Variants in MTMR7 observed in about 807,000 individuals in gnomAD.
The protein encoded by MTMR7 is myotubularin related protein 7, also known as phosphatidylinositol-3-phosphate phosphatase MTMR7.
MTMR7 carries 76 observed loss-of-function variants against 81.2 expected under a neutral mutation model. That is an observed-to-expected ratio of 0.94 (90% CI 0.78 to 1.13). The LOEUF is 1.13. Among genes scored for constraint, MTMR7 ranks in the 50% most tolerant of loss-of-function variants. The pLI is 0.00. For synonymous variants in MTMR7, 372 were observed against 289.8 expected (o/e 1.28, Z -2.88); for missense variants, 1,044 against 820.0 (o/e 1.27, Z -3.34).
intron 4 of MTMR7, among the ~76,000 whole-genome samples, chr8:17,359,050 T>C (rs913860816): frequency 1.3e-5 from 2 of 151,978 alleles, no homozygotes; most frequent in Non-Finnish European, 2.9e-5. Context: ...CACACCTCCA[T>C]GTCCAGCTAA....
At chr8:17,404,072 C>T (rs997206208) in intron 1 of MTMR7, among the ~76,000 whole-genome samples, 2 of 151,684 alleles carry the variant, frequency 1.3e-5, no homozygotes, top group African/African-American at 4.8e-5. Context: ...GTGAGGAGAC[C>T]CACGAAAGAA....
intron 3 of MTMR7, among the ~76,000 whole-genome samples, chr8:17,365,659 C>A (rs1472178277): frequency 6.6e-6 from 1 of 152,174 alleles, no homozygotes; most frequent in Non-Finnish European, 1.5e-5. Context: ...AGCAAATACT[C>A]AAAATGCCTT....
At chr8:17,348,884 C>G in intron 5 of MTMR7, 69 bp downstream of exon 5, 3 of 1,583,062 alleles carry the variant, frequency 1.9e-6, no homozygotes, top group Admixed American at 1.7e-5. Flanking sequence ...CAGAAGGCAG[C>G]TAGAAAATGC....
At chr8:17,406,954 G>A (rs1821602452) in intron 1 of MTMR7, among the ~76,000 whole-genome samples, 2 of 152,062 alleles carry the variant, frequency 1.3e-5, no homozygotes, top group Admixed American at 6.6e-5. Flanking sequence ...CCTTGGGTGG[G>A]GTGAGGGAGA....
At chr8:17,311,214 T>C (rs1467125144) in intron 9 of MTMR7, among the ~76,000 whole-genome samples, 1 of 152,192 alleles carries the variant, frequency 6.6e-6, no homozygotes, top group Admixed American at 6.5e-5. Context: ...TATGAGCAAA[T>C]GATATATAAA....
chr8:17,329,847 C>G (rs1818904292), intron 7 of MTMR7, among the ~76,000 whole-genome samples: 1 of 152,156 alleles, frequency 6.6e-6, no homozygotes, highest in African/African-American at 2.4e-5. Context: ...TCACTGTGAC[C>G]TGAGACAATG....
At chr8:17,376,125 C>G (rs565591472) in intron 1 of MTMR7, among the ~76,000 whole-genome samples, 1 of 152,330 alleles carries the variant, frequency 6.6e-6, no homozygotes, top group East Asian at 1.9e-4. Flanking sequence ...TACCCTCTGT[C>G]TCTATAGATT....
intron 1 of MTMR7, among the ~76,000 whole-genome samples, chr8:17,384,728 C>A (rs1268601805): frequency 1.3e-5 from 2 of 152,158 alleles, no homozygotes; most frequent in Non-Finnish European, 2.9e-5. Context: ...CATAAAGTTA[C>A]TGAAACAAAA....
Position 17,371,154 on chromosome 8 carries a change from C to T in MTMR7, c.193G>A (p.Ala65Thr), listed in dbSNP as rs371304992. ...ISTIEKQATTATGCPLLIRCK... is the reference protein window; with the variant it reads ...ISTIEKQATTTTGCPLLIRCK... Reference sequence around the variant, plus strand: ...CGAATCAGCAGAGGGCATCCGGTAGCGGTTGTTGCCTGTTTCTCAATGGTG... The same window carrying T: ...CGAATCAGCAGAGGGCATCCGGTAGTGGTTGTTGCCTGTTTCTCAATGGTG... Residue 65 changes from alanine to threonine, a missense_variant, in exon 3 of 14, where the codon GCT (alanine) becomes ACT (threonine). Coordinates refer to ENST00000180173, the MANE Select transcript of MTMR7 (RefSeq NM_004686.5). 11 of 1,614,002 alleles carry T rather than the reference C, an allele frequency of 6.8e-6. No individual in the cohort carries two copies. The highest frequency in any genetic ancestry group is 1.3e-5 in the African/African-American group (1 of 74,910).
chr8:17,406,040 C>A (rs1323620130), intron 1 of MTMR7, among the ~76,000 whole-genome samples: 1 of 152,026 alleles, frequency 6.6e-6, no homozygotes, highest in Non-Finnish European at 1.5e-5. Context: ...CTTTCTGCTC[C>A]TTTGAACTAA....
intron 4 of MTMR7, among the ~76,000 whole-genome samples, chr8:17,353,798 C>T (rs922501443): frequency 6.6e-6 from 1 of 152,200 alleles, no homozygotes; most frequent in Non-Finnish European, 1.5e-5. Context: ...TTGTGCTCCA[C>T]TAAATTAATT....
At chr8:17,317,370 C>G (rs942775571) in intron 7 of MTMR7, among the ~76,000 whole-genome samples, 2 of 152,194 alleles carry the variant, frequency 1.3e-5, no homozygotes, top group Non-Finnish European at 2.9e-5. Flanking sequence ...ATGGAATCTT[C>G]TGAACACCTG....
chr8:17,387,985 T>C (rs1585114658), intron 1 of MTMR7, among the ~76,000 whole-genome samples: 1 of 152,296 alleles, frequency 6.6e-6, no homozygotes, highest in Non-Finnish European at 1.5e-5. Flanking sequence ...TAAGGGAATA[T>C]ACAAGCTAAA....
rs1002502755 is a variant in MTMR7, at chr8:17,297,198, A to G, written c.*2664T>C. On this transcript the variant is annotated 3_prime_UTR_variant, in exon 14 of 14. Coordinates refer to ENST00000180173, the MANE Select transcript of MTMR7 (RefSeq NM_004686.5). Reference sequence around the variant, plus strand: ...TAAAGAGGAATACTTAGGAGTTACTAGGCTAATCAGTGTACGAATTTGTCA... The same window carrying G: ...TAAAGAGGAATACTTAGGAGTTACTGGGCTAATCAGTGTACGAATTTGTCA... 1 of 152,202 alleles carries G rather than the reference A, an allele frequency of 6.6e-6. No homozygotes were observed. The highest frequency in any genetic ancestry group is 2.4e-5 in the African/African-American group (1 of 41,466). The allele number at this position is 152,202 out of a possible 1,614,324, so 9.4% of individuals were successfully genotyped here.
At chr8:17,393,241 G>A (rs1821155711) in intron 1 of MTMR7, among the ~76,000 whole-genome samples, 3 of 152,094 alleles carry the variant, frequency 2.0e-5, no homozygotes, top group Admixed American at 2.0e-4. Context: ...CAATGCATTT[G>A]GACCTCTATC....
chr8:17,403,733 C>T (rs1168753877), intron 1 of MTMR7, among the ~76,000 whole-genome samples: 2 of 152,070 alleles, frequency 1.3e-5, no homozygotes, highest in Non-Finnish European at 2.9e-5. Context: ...TTTGTGTGTC[C>T]TCTTCAATTT....
intron 1 of MTMR7, among the ~76,000 whole-genome samples, chr8:17,392,142 GT>G (rs1821127041): frequency 1.3e-5 from 2 of 152,092 alleles, no homozygotes; most frequent in African/African-American, 2.4e-5. Flanking sequence ...TTCACAGCTT[GT>G]CCTGTTCAGA....
At chr8:17,324,081 T>C (rs1481206943) in intron 7 of MTMR7, among the ~76,000 whole-genome samples, 1 of 152,196 alleles carries the variant, frequency 6.6e-6, no homozygotes, top group Non-Finnish European at 1.5e-5. Flanking sequence ...AGTTAAAACA[T>C]TCAATGTGAC....
At chr8:17,338,392 G>C (rs139063425) in intron 6 of MTMR7, among the ~76,000 whole-genome samples, 2 of 152,310 alleles carry the variant, frequency 1.3e-5, no homozygotes, top group Non-Finnish European at 2.9e-5. Context: ...ATTAGTAGGT[G>C]AATCTGTCTG....
Sources: allele counts gnomAD v4.1 joint callset (sites outside exome capture counted in the v4.1 genomes callset), GRCh38; gene constraint gnomAD v4.1.1; transcripts MANE v1.5; gene names NCBI Gene and HGNC (gene_info 2026-07-23, HGNC 2026-07-21).